The following TRMO variants were observed in gnomAD, a reference collection of about 807,000 sequenced individuals.
TRMO encodes tRNA methyltransferase O.
TRMO carries 30 observed loss-of-function variants against 37.2 expected under a neutral mutation model. The ratio of observed to expected loss-of-function variants is 0.81; its 90% CI spans 0.60 to 1.09. The LOEUF is 1.09. Ranked by LOEUF, TRMO falls within the 50% of genes least tolerant of loss-of-function variation. The pLI is 0.00. For synonymous variants in TRMO, 239 were observed against 199.4 expected (o/e 1.20, Z -1.67); for missense variants, 552 against 549.5 (o/e 1.00, Z -0.05).
At position 97,905,010 on chromosome 9, in the gene TRMO, CAACTT is replaced by C; in HGVS notation, c.1067-23_1067-19del. 1 of 1,609,022 alleles carries C rather than the reference CAACTT, an allele frequency of 6.2e-7. No individual in the cohort carries two copies. ...ACCAACATCTGCAATGAAAAAAACA[CAACTT>C]AATGAGCACTATCATGCAGGTTGAA... On this transcript the variant is annotated intron_variant, in intron 4 of 4. Coordinates refer to ENST00000375119, the MANE Select transcript of TRMO (RefSeq NM_016481.5).
At position 97,922,441 on chromosome 9, in the gene TRMO, CA is replaced by C; in HGVS notation, c.52del (p.Cys18AlafsTer12). 6.3e-7 allele frequency: 1 copy of C among 1,587,092 alleles called. No individual in the cohort carries two copies. Among genetic ancestry groups the C allele is most frequent in the Non-Finnish European group, 8.6e-7 (1 of 1,167,294 alleles). ...GPRPTATPCG[C>X]VKPALETGNL... ...ACCTGTCTCCAGAGCCGGCTTAACG[CA>C]GCCGCACGGGGTCGCTGTAGGCCGA... is the stretch of plus-strand genomic sequence containing the variant. On this transcript the variant is annotated frameshift_variant, in exon 1 of 5. Coordinates refer to ENST00000375119, the MANE Select transcript of TRMO (RefSeq NM_016481.5). LOFTEE classifies it high-confidence loss of function.
At chr9:97,917,094 G>C (rs1826404939) in intron 1 of TRMO, among the ~76,000 whole-genome samples, 1 of 152,086 alleles carries the variant, frequency 6.6e-6, no homozygotes, top group Non-Finnish European at 1.5e-5. Context: ...CTTGGCCTAT[G>C]AGGGTATTTC....
downstream of TRMO, chr9:97,904,487 C>A: frequency 7.7e-7 from 1 of 1,292,012 alleles, no homozygotes; most frequent in Non-Finnish European, 9.8e-7. Flanking sequence ...ATCGAGACAG[C>A]ATCACCTTTT....
intron 2 of TRMO, among the ~76,000 whole-genome samples, chr9:97,915,483 T>C (rs1443372854): frequency 1.3e-5 from 2 of 152,212 alleles, no homozygotes; most frequent in Non-Finnish European, 2.9e-5. Context: ...GGCCATAGTT[T>C]ACTGACCCCT....
At chr9:97,907,373 C>T (rs555087703) in intron 4 of TRMO, among the ~76,000 whole-genome samples, 23 of 152,302 alleles carry the variant, frequency 1.5e-4, no homozygotes, top group Non-Finnish European at 3.1e-4. Context: ...AGTCAGTTGG[C>T]ATGTATCTCC....
Position 97,910,550 on chromosome 9 carries a change from T to A in TRMO, c.476A>T (p.Tyr159Phe), listed in dbSNP as rs751180435. The A allele has an allele frequency of 2.5e-6, 4 of 1,614,054 alleles. No individual in the cohort carries two copies. In the African/African-American group the frequency reaches 5.3e-5, roughly 22 times the overall value. ...TTGCGGTGAGTCATACTCAGCTATG[T>A]AGGGCTTGATGTCTAGTACGGGTGT... ...HGTPVLDIKP[Y>F]IAEYDSPQNV... Residue 159 changes from tyrosine to phenylalanine, a missense_variant, in exon 4 of 5, where the codon TAC becomes TTC. Physicochemically the swap from Tyr to Phe is conservative, Grantham distance 22. Coordinates refer to ENST00000375119, the MANE Select transcript of TRMO (RefSeq NM_016481.5).
At chr9:97,920,374 A>G (rs555507915) in intron 1 of TRMO, among the ~76,000 whole-genome samples, 86 of 152,368 alleles carry the variant, frequency 5.6e-4, no homozygotes, top group African/African-American at 1.9e-3. Context: ...GAGAATTAGG[A>G]CTGGTTTCAG....
At chr9:97,899,955 G>GCTGAGGCAGGAGGATCACTTGAGC (rs1391992743), downstream of TRMO, among the ~76,000 whole-genome samples, 2 of 152,274 alleles carry the variant, frequency 1.3e-5, no homozygotes, top group East Asian at 3.9e-4. Flanking sequence ...TACTCAGGAG[G>GCTGAGGCAGGAGGATCACTTGAGC]CTGAGGCAGG....
At chr9:97,917,947 G>C (rs1168098343) in intron 1 of TRMO, among the ~76,000 whole-genome samples, 1 of 150,186 alleles carries the variant, frequency 6.7e-6, no homozygotes, top group African/African-American at 2.5e-5. Flanking sequence ...CTCTCAAAGT[G>C]CTAGTATTAC....
At chr9:97,897,828 T>C in the TRMO span, among the ~76,000 whole-genome samples, 1 of 152,228 alleles carries the variant, frequency 6.6e-6, no homozygotes. Flanking sequence ...GATAACATTG[T>C]ATTACTGCTA....
At chr9:97,903,696 T>C (rs1825736543), downstream of TRMO, among the ~76,000 whole-genome samples, 1 of 152,236 alleles carries the variant, frequency 6.6e-6, no homozygotes, top group South Asian at 2.1e-4. Flanking sequence ...ACTTCTTCCA[T>C]TAACCATGAT....
At chr9:97,917,431 C>T (rs972652340) in intron 1 of TRMO, among the ~76,000 whole-genome samples, 35 of 152,114 alleles carry the variant, frequency 2.3e-4, no homozygotes, top group African/African-American at 3.4e-4. Flanking sequence ...TCTCATTTAT[C>T]GCTGCATTCT....
chr9:97,902,232 G>C (rs1368424161), downstream of TRMO, among the ~76,000 whole-genome samples: 1 of 152,208 alleles, frequency 6.6e-6, no homozygotes, highest in Admixed American at 6.5e-5. Flanking sequence ...GCCAGATAGT[G>C]GGAACATTGA....
At chr9:97,913,037 G>A in intron 3 of TRMO, 3 of 685,822 alleles carry the variant, frequency 4.4e-6, no homozygotes, top group Non-Finnish European at 2.3e-6. Flanking sequence ...TGTACAATGA[G>A]TTATTGTGTG....
At chr9:97,902,851 T>A (rs961270032), downstream of TRMO, among the ~76,000 whole-genome samples, 1 of 152,250 alleles carries the variant, frequency 6.6e-6, no homozygotes, top group Non-Finnish European at 1.5e-5. Flanking sequence ...ACTATAGTTA[T>A]GTAAGATGGA....
downstream of TRMO, among the ~76,000 whole-genome samples, chr9:97,901,514 T>C (rs1195157786): frequency 6.6e-6 from 1 of 152,224 alleles, no homozygotes; most frequent in Non-Finnish European, 1.5e-5. Context: ...AGTTTTCTTG[T>C]AGCTCATTTC....
At chr9:97,912,801 A>T in intron 3 of TRMO, 1 of 614,290 alleles carries the variant, frequency 1.6e-6, no homozygotes, top group Non-Finnish European at 2.7e-6. Flanking sequence ...GTCAGAATGG[A>T]ATGCTTTCCA....
At chr9:97,912,975 G>A (rs188676315) in intron 3 of TRMO, 2 of 1,291,274 alleles carry the variant, frequency 1.5e-6, no homozygotes, top group African/African-American at 1.5e-5. Flanking sequence ...TTTCCCCAAG[G>A]CTGCAAGGAA....
rs766705244 is a variant in TRMO at position 97,910,108 on chromosome 9, C to T, written c.918G>A (p.Gln306=). The T allele has an allele frequency of 5.0e-6, 8 of 1,614,032 alleles. No homozygotes were observed. The African/African-American group carries it at 6.7e-5, about 13-fold the overall frequency. The change falls in exon 4 of 5, where the codon CAG becomes CAA. Residue 306 remains glutamine (Q), a synonymous_variant. Coordinates refer to ENST00000375119, the MANE Select transcript of TRMO (RefSeq NM_016481.5). ...CAGCAGGGCAGTGAGGGGCCATGGG[C>T]TGTGTCTCTGCCCTGCTTCCTTGCA... ...AVLQGSRAET[Q]PMAPHCPAGR... is the part of the protein sequence containing the mutation.
Sources: allele counts gnomAD v4.1 joint callset (sites outside exome capture counted in the v4.1 genomes callset), GRCh38; gene constraint gnomAD v4.1.1; transcripts MANE v1.5; gene names NCBI Gene and HGNC (gene_info 2026-07-23, HGNC 2026-07-21).